MGAT4C: variants seen among roughly 807,000 people sequenced by gnomAD.
MGAT4C encodes the protein alpha-1,3-mannosyl-glycoprotein 4-beta-N-acetylglucosaminyltransferase C.
Under a neutral mutation model 40.1 loss-of-function variants are expected in MGAT4C, and 19 were observed. That is an observed-to-expected ratio of 0.47 (90% confidence interval 0.33 to 0.70). The LOEUF is 0.70. Ranked by LOEUF, MGAT4C falls within the 30% of genes least tolerant of loss-of-function variation. MGAT4C has a pLI of 0.02. For missense variants in MGAT4C, 491 were observed against 563.2 expected (o/e 0.87, Z 1.30); for synonymous variants, 181 against 187.1 (o/e 0.97, Z 0.27).
chr12:86,584,025 T>G (rs1303006758), intron 2 of MGAT4C, among the ~76,000 whole-genome samples: 21 of 150,928 alleles, frequency 1.4e-4, no homozygotes, highest in Admixed American at 9.3e-4. Context: ...TATCAGAAGA[T>G]AATTGGCTCA....
At chr12:86,823,456 G>A (rs11104112) in intron 1 of MGAT4C, among the ~76,000 whole-genome samples, 15,970 of 149,872 alleles carry the variant, frequency 0.11, 1,151 homozygotes, top group Non-Finnish European at 0.15. Context: ...CTAAATTTAC[G>A]GAAAAAAAAT....
At chr12:86,540,463 C>T (rs568420574) in intron 2 of MGAT4C, among the ~76,000 whole-genome samples, 9 of 152,286 alleles carry the variant, frequency 5.9e-5, no homozygotes, top group South Asian at 4.1e-4. Context: ...CTTGGCTGGG[C>T]GCGGTGGCTC....
chr12:86,528,449 TA>T (rs1958921978), intron 2 of MGAT4C, among the ~76,000 whole-genome samples: 1 of 152,064 alleles, frequency 6.6e-6, no homozygotes, highest in Admixed American at 6.5e-5. Flanking sequence ...CAGATTTAAA[TA>T]TTATCTTTCT....
chr12:86,761,924 T>C (rs1359922594), intron 1 of MGAT4C, among the ~76,000 whole-genome samples: 1 of 152,176 alleles, frequency 6.6e-6, no homozygotes, highest in Non-Finnish European at 1.5e-5. Flanking sequence ...TAGAATAATA[T>C]TCATAGTTTC....
chr12:86,800,330 G>A (rs987942788), intron 1 of MGAT4C, among the ~76,000 whole-genome samples: 1 of 151,934 alleles, frequency 6.6e-6, no homozygotes, highest in Admixed American at 6.6e-5. Context: ...AAGTAAGGCA[G>A]CTTCTTTCTT....
At chr12:86,152,851 C>G (rs1020810660) in intron 1 of MGAT4C, among the ~76,000 whole-genome samples, 2 of 151,646 alleles carry the variant, frequency 1.3e-5, no homozygotes, top group Non-Finnish European at 2.9e-5. Context: ...CCTTAATAAA[C>G]AAAAAAGGGT....
rs548907128 is a variant in MGAT4C, at chr12:86,216,504, G to A, written c.-57+39735C>T. Among the ~76,000 whole-genome samples the A allele has an allele frequency of 2.0e-5, 3 of 152,260 alleles. No individual in the cohort carries two copies. In the South Asian group the frequency reaches 6.2e-4, roughly 32 times the overall value. The stretch of plus-strand genomic sequence containing the variant: ...GTTTTTTAAGAAATTAGTGGGTTAT[G>A]TAGTATTGTCCTTGGCACATAACTA... On this transcript the variant is annotated intron_variant, in intron 1 of 4. Coordinates refer to ENST00000611864, the MANE Select transcript of MGAT4C (RefSeq NM_001351288.2).
chr12:86,599,410 A>G (rs1961675320), intron 2 of MGAT4C, among the ~76,000 whole-genome samples: 1 of 152,220 alleles, frequency 6.6e-6, no homozygotes, highest in African/African-American at 2.4e-5. Flanking sequence ...CATTGGCAGA[A>G]ATAAATACCT....
At position 85,958,721 on chromosome 12, in the gene MGAT4C, AGG is replaced by A. The variant is rs1482374212; in HGVS notation, c.*20566_*20567del. On this transcript the variant is annotated 3_prime_UTR_variant, in exon 5 of 5. Coordinates refer to ENST00000611864, the MANE Select transcript of MGAT4C (RefSeq NM_001351288.2). ...TTAAAGTTTAATTTTTATTATTAAAAGGGTATGATTATTTTTACTAAAATTAA... is the reference window on the plus strand; with the variant it reads ...TTAAAGTTTAATTTTTATTATTAAAAGTATGATTATTTTTACTAAAATTAA... 6.6e-6 allele frequency: 1 copy of A among 152,114 alleles called. No individual in the cohort carries two copies. The highest frequency in any genetic ancestry group is 2.4e-5 in the African/African-American group (1 of 41,440). 9.4% of individuals were successfully genotyped at this position (152,114 alleles called of 1,614,324 possible). A position where few individuals can be genotyped will look rare whatever the true frequency, so the allele number is the denominator to read the frequency against.
intron 1 of MGAT4C, among the ~76,000 whole-genome samples, chr12:86,733,156 T>G (rs528687830): frequency 6.6e-6 from 1 of 152,260 alleles, no homozygotes. Context: ...ACTTAAAAAC[T>G]GATGGGATCT....
chr12:86,390,327 A>C (rs73187441), intron 3 of MGAT4C, among the ~76,000 whole-genome samples: 9,628 of 152,290 alleles, frequency 0.063, 361 homozygotes, highest in Middle Eastern at 0.13. Context: ...TACGTACCAT[A>C]GTTAAGAAAC....
intron 2 of MGAT4C, among the ~76,000 whole-genome samples, chr12:86,621,403 G>A (rs1175185421): frequency 6.6e-6 from 1 of 152,146 alleles, no homozygotes; most frequent in Admixed American, 6.5e-5. Flanking sequence ...CTCTATGAGT[G>A]ACCACAACTT....
intron 1 of MGAT4C, among the ~76,000 whole-genome samples, chr12:86,179,294 A>T (rs1426074001): frequency 6.6e-6 from 1 of 152,188 alleles, no homozygotes; most frequent in Non-Finnish European, 1.5e-5. Context: ...TGGAACTGTA[A>T]GTCCAATTAA....
chr12:86,355,408 A>T (rs956147838), intron 3 of MGAT4C, among the ~76,000 whole-genome samples: 4 of 152,228 alleles, frequency 2.6e-5, no homozygotes, highest in African/African-American at 9.6e-5. Context: ...GAATGGCTAA[A>T]TACTTTCTAG....
chr12:86,452,224 T>C (rs1186034095), intron 2 of MGAT4C, among the ~76,000 whole-genome samples: 1 of 151,878 alleles, frequency 6.6e-6, no homozygotes, highest in Non-Finnish European at 1.5e-5. Context: ...TTTTTTATTA[T>C]ACTTTGAGTT....
intron 3 of MGAT4C, among the ~76,000 whole-genome samples, chr12:86,410,765 T>C (rs1458577391): frequency 1.3e-5 from 2 of 152,198 alleles, no homozygotes; most frequent in South Asian, 2.1e-4. Flanking sequence ...TGTTCAGACA[T>C]TGCAGTAAAG....
At chr12:85,988,617 AAGAT>A (rs1455990444) in intron 3 of MGAT4C, among the ~76,000 whole-genome samples, 1 of 152,042 alleles carries the variant, frequency 6.6e-6, no homozygotes, top group African/African-American at 2.4e-5. Flanking sequence ...AGGCTCCATT[AAGAT>A]AGAAAAAGTG....
intron 1 of MGAT4C, among the ~76,000 whole-genome samples, chr12:86,764,753 C>T (rs529916758): frequency 6.6e-6 from 1 of 152,298 alleles, no homozygotes; most frequent in South Asian, 2.1e-4. Flanking sequence ...CCCAGGCAAA[C>T]AGGGTCTGGA....
intron 2 of MGAT4C, among the ~76,000 whole-genome samples, chr12:86,022,258 C>T (rs1171151721): frequency 6.6e-6 from 1 of 152,122 alleles, no homozygotes. Flanking sequence ...TTAATACTTT[C>T]CTGATAGTTG....
Sources: allele counts gnomAD v4.1 joint callset (sites outside exome capture counted in the v4.1 genomes callset), GRCh38; gene constraint gnomAD v4.1.1; transcripts MANE v1.5; gene names NCBI Gene and HGNC (gene_info 2026-07-23, HGNC 2026-07-21).